Variants in ASAP1 observed in about 807,000 individuals in gnomAD.
ASAP1 encodes the protein arf-GAP with SH3 domain, ANK repeat and PH domain-containing protein 1.
Under a neutral mutation model 145.2 loss-of-function variants are expected in ASAP1, and 43 were observed. The observed-to-expected ratio is 0.30, with a 90% CI of 0.23 to 0.38. The LOEUF is 0.38. ASAP1 is among the 10% of genes least tolerant of loss of function. The pLI, the probability that ASAP1 is intolerant of heterozygous loss-of-function variation, is 1.00. For missense variants in ASAP1, 1,018 were observed against 1,355.3 expected (o/e 0.75, Z 3.91); for synonymous variants, 546 against 515.5 (o/e 1.06, Z -0.80).
Position 130,076,104 on chromosome 8 carries a change from ATAATG to A in ASAP1, c.2701+239_2701+243del, listed in dbSNP as rs1291567007. 3.9e-5 allele frequency among the ~76,000 whole-genome samples: 6 copies of A among 152,328 alleles called. No individual in the cohort carries two copies. The East Asian group carries it at 7.7e-4, about 20-fold the overall frequency. ...GAAAGAATGGTTCCTGGGGATTATA[ATAATG>A]TAATGTCTACAAAATTATTATGTAT... On this transcript the variant is annotated intron_variant, in intron 27 of 29. Transcript: ENST00000518721.
At chr8:130,274,437 G>A (rs1820758665) in intron 3 of ASAP1, among the ~76,000 whole-genome samples, 2 of 152,164 alleles carry the variant, frequency 1.3e-5, no homozygotes, top group South Asian at 2.1e-4. Flanking sequence ...AGCTGGTAAA[G>A]AACCAGGCTG....
intron 5 of ASAP1, among the ~76,000 whole-genome samples, chr8:130,202,598 A>G (rs1037715486): frequency 2.6e-5 from 4 of 152,230 alleles, no homozygotes; most frequent in African/African-American, 7.2e-5. Flanking sequence ...TTATGAAAAC[A>G]GTCTCTGCTA....
At chr8:130,346,235 C>A (rs1048935501) in intron 3 of ASAP1, among the ~76,000 whole-genome samples, 1 of 152,112 alleles carries the variant, frequency 6.6e-6, no homozygotes, top group Admixed American at 6.5e-5. Context: ...TGAAGACATA[C>A]GTGAACATGA....
At position 130,192,232 on chromosome 8, in the gene ASAP1, A is replaced by G. The variant is rs191601522; in HGVS notation, c.406-4049T>C. ...GAGTGGGGCAAAAAATAAAAAACCA[A>G]AAAATCTTAGCTGTTATAACTGTCT... On this transcript the variant is annotated intron_variant, in intron 5 of 29. Coordinates refer to ENST00000518721, the MANE Select transcript of ASAP1 (RefSeq NM_018482.4). Among the ~76,000 whole-genome samples, 642 of 147,276 alleles carry G rather than the reference A, an allele frequency of 4.4e-3. 6 individuals are homozygous for G. Among genetic ancestry groups the G allele is most frequent in the Non-Finnish European group, 4.4e-3 (296 of 67,950 alleles).
chr8:130,203,518 G>C (rs1246328664), intron 5 of ASAP1, among the ~76,000 whole-genome samples: 1 of 152,194 alleles, frequency 6.6e-6, no homozygotes, highest in East Asian at 1.9e-4. Context: ...ATGGTATGTG[G>C]AGGTGAGGAG....
intron 3 of ASAP1, among the ~76,000 whole-genome samples, chr8:130,298,625 A>T (rs1199886771): frequency 6.6e-6 from 1 of 152,140 alleles, no homozygotes; most frequent in African/African-American, 2.4e-5. Flanking sequence ...TTTCCAAGAT[A>T]AGCCCCCCAT....
chr8:130,344,217 T>C (rs1009107343), intron 3 of ASAP1, among the ~76,000 whole-genome samples: 5 of 152,198 alleles, frequency 3.3e-5, no homozygotes, highest in Non-Finnish European at 5.9e-5. Flanking sequence ...AAAAGAAATT[T>C]GAAATATGTC....
chr8:130,239,328 A>G (rs1818391030), intron 3 of ASAP1, among the ~76,000 whole-genome samples: 1 of 152,156 alleles, frequency 6.6e-6, no homozygotes, highest in South Asian at 2.1e-4. Context: ...AGAGGTTTAC[A>G]GAGATTATCT....
intron 3 of ASAP1, among the ~76,000 whole-genome samples, chr8:130,348,354 T>C (rs1825814848): frequency 6.6e-6 from 1 of 152,236 alleles, no homozygotes; most frequent in South Asian, 2.1e-4. Flanking sequence ...CCTTGGCATA[T>C]GAGGTTCTGA....
chr8:130,152,669 C>T, intron 13 of ASAP1, 67 bp downstream of exon 13: 4 of 1,095,264 alleles, frequency 3.7e-6, no homozygotes, highest in Admixed American at 2.1e-5. Context: ...CCAATTTTTA[C>T]TGCTGAGTAC....
intron 27 of ASAP1, among the ~76,000 whole-genome samples, chr8:130,075,331 T>C (rs1270371493): frequency 6.6e-6 from 1 of 152,226 alleles, no homozygotes. Flanking sequence ...CTCATCTTAC[T>C]ACACAGGAGC....
At chr8:130,224,095 T>C (rs1246679574) in intron 4 of ASAP1, among the ~76,000 whole-genome samples, 1 of 152,202 alleles carries the variant, frequency 6.6e-6, no homozygotes, top group Non-Finnish European at 1.5e-5. Context: ...TACTTTGTTA[T>C]ACGCCCAGTT....
chr8:130,176,291 A>C (rs1298230671), intron 9 of ASAP1, among the ~76,000 whole-genome samples: 3 of 152,198 alleles, frequency 2.0e-5, no homozygotes, highest in Non-Finnish European at 4.4e-5. Flanking sequence ...AAACAAAACA[A>C]AAAACACCTA....
intron 2 of ASAP1, among the ~76,000 whole-genome samples, chr8:130,376,048 A>C (rs1321139827): frequency 2.6e-5 from 4 of 152,228 alleles, no homozygotes; most frequent in Non-Finnish European, 5.9e-5. Context: ...AACAACAAAA[A>C]GACATAATCA....
chr8:130,406,876 TATG>T (rs1829054787), intron 1 of ASAP1, among the ~76,000 whole-genome samples: 1 of 152,206 alleles, frequency 6.6e-6, no homozygotes, highest in South Asian at 2.1e-4. Flanking sequence ...AACTTATTTT[TATG>T]ATGCTATTCC....
chr8:130,200,768 C>T (rs962186221), intron 5 of ASAP1, among the ~76,000 whole-genome samples: 1 of 152,076 alleles, frequency 6.6e-6, no homozygotes, highest in African/African-American at 2.4e-5. Flanking sequence ...TAAAAAGAAA[C>T]ATGATGCAAA....
intron 24 of ASAP1, among the ~76,000 whole-genome samples, chr8:130,108,219 G>T (rs910594361): frequency 6.6e-6 from 1 of 152,144 alleles, no homozygotes; most frequent in Non-Finnish European, 1.5e-5. Flanking sequence ...CTACATTATA[G>T]CAAATGTGTA....
At position 130,079,985 on chromosome 8, in the gene ASAP1, C is replaced by T. The variant is rs751906732; in HGVS notation, c.2573-14G>A. 3.1e-6 allele frequency: 5 copies of T among 1,612,112 alleles called. No individual in the cohort carries two copies. The highest frequency in any genetic ancestry group is 1.1e-5 in the South Asian group (1 of 91,018). ...CCCCATCGTTACCTACAAGGAAAACCGAAGGTGAAAAGGTATGTCTTTAGA... is the reference window on the plus strand; with the variant it reads ...CCCCATCGTTACCTACAAGGAAAACTGAAGGTGAAAAGGTATGTCTTTAGA... On this transcript the variant is annotated splice_polypyrimidine_tract_variant and intron_variant, in intron 25 of 29. Coordinates refer to ENST00000518721, the MANE Select transcript of ASAP1 (RefSeq NM_018482.4).
In ASAP1 at chr8:130,358,048, T is replaced by A. The variant is rs1029447394; in HGVS notation, c.155A>T (p.Asn52Ile). 1 of 1,609,244 alleles carries A rather than the reference T, an allele frequency of 6.2e-7. No homozygotes were observed. The highest frequency in any genetic ancestry group is 1.7e-5 in the Admixed American group (1 of 59,844). ...TTSSFTTRLH[N>I]CRNTVTLLEE... ...CAGCAGCGTGACGGTGTTCCTGCAG[T>A]TGTGCAGCCGCGTGGTGAAGCTGGA... is the stretch of plus-strand genomic sequence containing the variant. The change falls in exon 3 of 30, where the codon AAC (asparagine) becomes ATC (isoleucine). Residue 52 changes from asparagine (N) to isoleucine (I), a missense_variant. By Grantham distance (149) the Asn-to-Ile change is moderately radical. Coordinates refer to ENST00000518721, the MANE Select transcript of ASAP1 (RefSeq NM_018482.4). The surrounding 1 kb of genome is among the most constrained non-coding windows in gnomAD (Gnocchi z 4.1).
Sources: gnomAD v4.1 joint callset for allele counts (sites outside exome capture counted in the v4.1 genomes callset) on GRCh38, gnomAD v4.1.1 for gene constraint, Gnocchi (gnomAD v3.1) non-coding constraint, MANE v1.5 for transcripts, NCBI Gene and HGNC (gene_info 2026-07-23, HGNC 2026-07-21) for gene names.